The following GRAMD1B variants were observed in gnomAD, a reference collection of about 807,000 sequenced individuals.
The protein encoded by GRAMD1B is GRAM domain containing 1B, also known as protein Aster-B.
A neutral mutation model predicts 99.7 loss-of-function variants in GRAMD1B; 37 were observed. The ratio of observed to expected loss-of-function variants is 0.37; its 90% CI spans 0.29 to 0.49. The LOEUF is 0.49. Ranked by LOEUF, GRAMD1B falls within the 20% of genes least tolerant of loss-of-function variation. The probability of loss-of-function intolerance (pLI) is 0.98; values close to 1 mark genes in which losing one functional copy is unlikely to be tolerated. For synonymous variants in GRAMD1B, 427 were observed against 387.6 expected, an observed-to-expected ratio of 1.10 and a Z score of -1.19; for missense variants, 888 against 1,009.2, an observed-to-expected ratio of 0.88 and a Z score of 1.63.
chr11:123,412,942 C>T (rs925679112), intron 1 of GRAMD1B, among the ~76,000 whole-genome samples: 12 of 152,154 alleles, frequency 7.9e-5, no homozygotes, highest in South Asian at 4.2e-4. Context: ...TCATCACGCC[C>T]GGCTAATTTT....
intron 1 of GRAMD1B, among the ~76,000 whole-genome samples, chr11:123,395,270 T>G (rs1947419494): frequency 6.6e-6 from 1 of 151,618 alleles, no homozygotes; most frequent in Non-Finnish European, 1.5e-5. Context: ...AAAGGCTTCT[T>G]TATTAAAAGT....
chr11:123,525,997 C>T (rs1942682510), intron 2 of GRAMD1B: 1 of 661,270 alleles, frequency 1.5e-6, no homozygotes, highest in Admixed American at 2.3e-5. Flanking sequence ...GGCTCTTTCT[C>T]CCTTTCTCTC....
At chr11:123,360,658 T>C (rs1019323713) in intron 1 of GRAMD1B, among the ~76,000 whole-genome samples, 2 of 152,216 alleles carry the variant, frequency 1.3e-5, no homozygotes, top group African/African-American at 4.8e-5. Context: ...TTTGACATTG[T>C]CACAAAAAGT....
At chr11:123,585,844 TCTC>T (rs1489272440) in intron 4 of GRAMD1B, among the ~76,000 whole-genome samples, 1 of 152,154 alleles carries the variant, frequency 6.6e-6, no homozygotes, top group East Asian at 1.9e-4. Flanking sequence ...TTGTTGCTAA[TCTC>T]CTTCCTCTTC....
At chr11:123,504,083 G>A (rs1377704998) in intron 2 of GRAMD1B, among the ~76,000 whole-genome samples, 1 of 152,164 alleles carries the variant, frequency 6.6e-6, no homozygotes, top group Non-Finnish European at 1.5e-5. Flanking sequence ...GGCTGAGGTC[G>A]AGGTAATGTC....
chr11:123,495,678 C>CTTTTTTTTTTT (rs556302274), intron 2 of GRAMD1B, among the ~76,000 whole-genome samples: 2 of 114,406 alleles, frequency 1.7e-5, no homozygotes, highest in African/African-American at 6.4e-5. Context: ...CTTTCTTCTT[C>CTTTTTTTTTTT]TTTTTTTTTT....
chr11:123,603,632 G>A, intron 9 of GRAMD1B, 91 bp downstream of exon 9: 1 of 773,332 alleles, frequency 1.3e-6, no homozygotes, highest in Non-Finnish European at 2.3e-6. Context: ...ACACATGCCT[G>A]TGCAGCCATG....
At chr11:123,584,040 C>T (rs1207297358) in intron 3 of GRAMD1B, among the ~76,000 whole-genome samples, 2 of 152,118 alleles carry the variant, frequency 1.3e-5, no homozygotes, top group Non-Finnish European at 2.9e-5. Flanking sequence ...CGATGGGGCT[C>T]CGACTCCCTT....
intron 2 of GRAMD1B, among the ~76,000 whole-genome samples, chr11:123,515,338 C>T (rs953409533): frequency 2.6e-5 from 4 of 152,162 alleles, no homozygotes; most frequent in African/African-American, 9.7e-5. Context: ...GGGAGTGGTA[C>T]TGGTTGAGCA....
chr11:123,614,767 C>T lies in GRAMD1B; in HGVS notation c.2250C>T (p.Ile750=). The T allele has an allele frequency of 6.2e-7, 1 of 1,611,862 alleles. No individual in the cohort carries two copies. The highest frequency in any genetic ancestry group is 8.5e-7 in the Non-Finnish European group (1 of 1,178,000). Residue 750 remains isoleucine (I), a synonymous_variant, in exon 17 of 20, where the codon ATC becomes ATT. Transcript: ENST00000635736. ...HVAGSTQTRH[I]PEDTPNGFHL... Reference sequence around the variant, plus strand: ...CAGGTTCCACACAGACGCGGCATATCCCGGAGGACACCCCCAACGGTTTCC... The same window carrying T: ...CAGGTTCCACACAGACGCGGCATATTCCGGAGGACACCCCCAACGGTTTCC...
At chr11:123,571,941 T>C (rs1262870236) in intron 2 of GRAMD1B, among the ~76,000 whole-genome samples, 1 of 152,192 alleles carries the variant, frequency 6.6e-6, no homozygotes. Context: ...CTTGTTTTCC[T>C]TTATTCTCTT....
At position 123,606,620 on chromosome 11, in the gene GRAMD1B, G is replaced by C. The variant is rs770078855; in HGVS notation, c.1335G>C (p.Leu445=). ...TGTCTTGGCTCCAGTTTGATGGGCT[G>C]CCCCTGGAGGAAGAGGCGCTGGAGG... is the stretch of plus-strand genomic sequence containing the variant. ...SSEAPVSFDG[L]PLEEEALEGD... Residue 445 remains leucine, a synonymous_variant, in exon 11 of 20, where the codon CTG becomes CTC. Coordinates refer to ENST00000635736, the MANE Select transcript of GRAMD1B (RefSeq NM_001387025.1). 4.3e-6 allele frequency: 7 copies of C among 1,610,278 alleles called. No homozygotes were observed. Among genetic ancestry groups the C allele is most frequent in the Non-Finnish European group, 5.9e-6 (7 of 1,178,536 alleles).
chr11:123,377,871 C>T (rs1432568477), intron 1 of GRAMD1B, among the ~76,000 whole-genome samples: 1 of 152,210 alleles, frequency 6.6e-6, no homozygotes, highest in Non-Finnish European at 1.5e-5. Flanking sequence ...CTTCCACCAC[C>T]ATGCGCTTCC....
chr11:123,619,045 G>A (rs1240659326), intron 18 of GRAMD1B, 62 bp from the exon 19 acceptor site: 3 of 913,058 alleles, frequency 3.3e-6, no homozygotes, highest in East Asian at 2.6e-5. Context: ...GGGTCTGGGA[G>A]CCCAGGACAG....
chr11:123,374,154 G>A (rs1946619553), intron 1 of GRAMD1B, among the ~76,000 whole-genome samples: 1 of 152,170 alleles, frequency 6.6e-6, no homozygotes, highest in African/African-American at 2.4e-5. Flanking sequence ...TGTTTGTAGT[G>A]TGGATTGTTT....
At chr11:123,616,932 A>G (rs966537873) in intron 17 of GRAMD1B, among the ~76,000 whole-genome samples, 9 of 152,230 alleles carry the variant, frequency 5.9e-5, no homozygotes, top group South Asian at 2.1e-4. Context: ...CTGAAATTCA[A>G]CATAAAAGTT....
intron 2 of GRAMD1B, among the ~76,000 whole-genome samples, chr11:123,491,492 C>T (rs1938556009): frequency 6.6e-6 from 1 of 152,138 alleles, no homozygotes; most frequent in Non-Finnish European, 1.5e-5. Flanking sequence ...CAGCAGCTGA[C>T]ATCACATGCA....
chr11:123,434,057 C>T (rs752148032), intron 1 of GRAMD1B, among the ~76,000 whole-genome samples: 54 of 151,762 alleles, frequency 3.6e-4, no homozygotes, highest in Non-Finnish European at 6.8e-4. Flanking sequence ...CGGAGAAACA[C>T]CGTCTCTACT....
intron 2 of GRAMD1B, among the ~76,000 whole-genome samples, chr11:123,531,674 TCCCC>T (rs1943386079): frequency 6.6e-6 from 1 of 151,316 alleles, no homozygotes; most frequent in Non-Finnish European, 1.5e-5. Flanking sequence ...TGGACATTTG[TCCCC>T]TAAATGAGTT....
Sources: allele counts gnomAD v4.1 joint callset (sites outside exome capture counted in the v4.1 genomes callset), GRCh38; gene constraint gnomAD v4.1.1; transcripts MANE v1.5; gene names NCBI Gene and HGNC (gene_info 2026-07-23, HGNC 2026-07-21).